Variants in PLAC1 observed in about 807,000 individuals in gnomAD.
PLAC1 encodes placenta-specific protein 1.
For synonymous variants in PLAC1, 68 were observed against 62.1 expected (o/e 1.09, Z -0.44); for missense variants, 136 against 163.2 (o/e 0.83, Z 0.91).
intron 2 of PLAC1, among the ~76,000 whole-genome samples, chrX:134,696,317 T>C (rs751592580): frequency 9.0e-6 from 1 of 111,285 alleles, no homozygotes; most frequent in Non-Finnish European, 1.9e-5. Context: ...TCTAAGTCTT[T>C]TCTGTTGATG....
At chrX:134,583,211 G>A (rs17000648) in intron 2 of PLAC1, among the ~76,000 whole-genome samples, 2,575 of 106,963 alleles carry the variant, frequency 0.024, 65 homozygotes, top group African/African-American at 0.08. Flanking sequence ...TTTTTAAAAT[G>A]TCTGGACTTT....
chrX:134,667,424 T>C (rs760398700), intron 2 of PLAC1, among the ~76,000 whole-genome samples: 3 of 112,152 alleles, frequency 2.7e-5, no homozygotes, highest in Non-Finnish European at 3.8e-5. Context: ...CACATAAAAA[T>C]ATGCTCGACA....
chrX:134,701,524 T>TCA (rs1477571590), intron 2 of PLAC1, among the ~76,000 whole-genome samples: 1 of 111,761 alleles, frequency 8.9e-6, no homozygotes, highest in Non-Finnish European at 1.9e-5. Flanking sequence ...GAGAAAATAT[T>TCA]CACACACTAT....
intron 1 of PLAC1, among the ~76,000 whole-genome samples, chrX:134,762,090 G>A (rs1305366763): frequency 9.5e-6 from 1 of 105,388 alleles, no homozygotes; most frequent in Non-Finnish European, 2.0e-5. Context: ...AACTCTTGAG[G>A]TGCCCCACAA....
At position 134,592,157 on chromosome X, in the gene PLAC1, A is replaced by G. The variant is rs181563278; in HGVS notation, c.-59+9894T>C. Among the ~76,000 whole-genome samples, 338 of 112,114 alleles carry G rather than the reference A, an allele frequency of 3.0e-3. 1 individual carries two copies. The highest frequency in any genetic ancestry group is 9.6e-3 in the African/African-American group (297 of 30,913). On this transcript the variant is annotated intron_variant, in intron 2 of 2. Transcript: ENST00000359237. ...TATTTTGGTCAGGTCCAATTTATTG[A>G]TTTTTCCTTTCATGGATTGTGCTTT...
chrX:134,678,242 C>T (rs1287368803), intron 2 of PLAC1, among the ~76,000 whole-genome samples: 4 of 112,026 alleles, frequency 3.6e-5, no homozygotes, highest in Non-Finnish European at 5.6e-5. Flanking sequence ...TGGCCCACAA[C>T]ACCCTGCGTG....
chrX:134,682,852 G>A (rs1049625604), intron 2 of PLAC1, among the ~76,000 whole-genome samples: 1 of 111,411 alleles, frequency 9.0e-6, no homozygotes, highest in Non-Finnish European at 1.9e-5. Context: ...CACCATGCCC[G>A]GCCTCTATCT....
chrX:134,739,838 C>T (rs935618652), intron 1 of PLAC1, among the ~76,000 whole-genome samples: 1 of 112,562 alleles, frequency 8.9e-6, no homozygotes, highest in Non-Finnish European at 1.9e-5. Flanking sequence ...TTCTTTGGCA[C>T]TGTCTACTGA....
chrX:134,723,284 C>A (rs2078663742), intron 2 of PLAC1, among the ~76,000 whole-genome samples: 1 of 109,141 alleles, frequency 9.2e-6, no homozygotes, highest in Non-Finnish European at 1.9e-5. Flanking sequence ...TTAAGCCTTA[C>A]CTTTTAGGTA....
chrX:134,602,232 G>A (rs1300750731), intron 1 of PLAC1, 110 bp from the exon 2 acceptor site: 1 of 112,123 alleles, frequency 8.9e-6, no homozygotes, highest in Non-Finnish European at 1.9e-5. Flanking sequence ...AAGTACATGC[G>A]TATCTTCCCA....
chrX:134,614,212 T>C (rs1449957195), intron 1 of PLAC1, among the ~76,000 whole-genome samples: 1 of 111,613 alleles, frequency 9.0e-6, no homozygotes, highest in African/African-American at 3.3e-5. Context: ...TACTTTCTTA[T>C]GATTTTACTT....
intron 1 of PLAC1, among the ~76,000 whole-genome samples, chrX:134,610,470 T>C (rs2078147181): frequency 9.0e-6 from 1 of 111,420 alleles, no homozygotes; most frequent in Non-Finnish European, 1.9e-5. Context: ...TTTTCCTTGG[T>C]CCCTAATTTA....
At chrX:134,682,290 T>C (rs1340663635) in intron 2 of PLAC1, among the ~76,000 whole-genome samples, 3 of 112,354 alleles carry the variant, frequency 2.7e-5, no homozygotes, top group Non-Finnish European at 5.6e-5. Flanking sequence ...TCTGTGCTTC[T>C]ATAATTAAAC....
chrX:134,662,701 AGGT>A (rs1466224464), upstream of PLAC1, among the ~76,000 whole-genome samples: 37 of 112,509 alleles, frequency 3.3e-4, no homozygotes, highest in Non-Finnish European at 6.6e-4. Flanking sequence ...AAGCTGAAGC[AGGT>A]GGATTGCTCG....
intron 1 of PLAC1, among the ~76,000 whole-genome samples, chrX:134,743,549 G>A (rs970589345): frequency 2.7e-5 from 3 of 111,674 alleles, no homozygotes; most frequent in African/African-American, 9.8e-5. Context: ...AAATAAAGAC[G>A]TAGTAAAAAA....
chrX:134,727,254 CCTT>C (rs1208153596), intron 2 of PLAC1, among the ~76,000 whole-genome samples: 5 of 112,027 alleles, frequency 4.5e-5, no homozygotes, highest in Non-Finnish European at 7.5e-5. Flanking sequence ...TTTCCATTCT[CCTT>C]CTGGATTGTG....
upstream of PLAC1, among the ~76,000 whole-genome samples, chrX:134,658,831 G>A (rs1447067896): frequency 8.9e-6 from 1 of 111,940 alleles, no homozygotes; most frequent in Non-Finnish European, 1.9e-5. Flanking sequence ...GCTTGCTGTT[G>A]CCAAGGCAGT....
chrX:134,750,613 C>T (rs2078738744), intron 1 of PLAC1, among the ~76,000 whole-genome samples: 1 of 103,380 alleles, frequency 9.7e-6, no homozygotes, highest in Non-Finnish European at 1.9e-5. Context: ...TCCTTATAGA[C>T]CTCTGCTGTC....
intron 2 of PLAC1, among the ~76,000 whole-genome samples, chrX:134,581,289 G>T (rs1368325021): frequency 9.1e-6 from 1 of 110,391 alleles, no homozygotes; most frequent in Non-Finnish European, 1.9e-5. Flanking sequence ...CCTGGCATAA[G>T]TTGGGTTTTT....
Sources: gnomAD v4.1 joint callset for allele counts (sites outside exome capture counted in the v4.1 genomes callset) on GRCh38, gnomAD v4.1.1 for gene constraint, MANE v1.5 for transcripts, NCBI Gene and HGNC (gene_info 2026-07-23, HGNC 2026-07-21) for gene names.